The following SPON2 variants were observed in gnomAD, a reference collection of about 807,000 sequenced individuals.
SPON2 encodes spondin 2.
SPON2 carries 32 observed loss-of-function variants against 29.9 expected under a neutral mutation model. The ratio of observed to expected loss-of-function variants is 1.07; its 90% CI spans 0.81 to 1.44. SPON2 has a LOEUF of 1.44. Ranked by LOEUF, SPON2 falls within the 40% of genes most tolerant of loss-of-function variation. The pLI, the probability that SPON2 is intolerant of heterozygous loss-of-function variation, is 0.00. For synonymous variants in SPON2, 248 were observed against 209.1 expected, an observed-to-expected ratio of 1.19 and a Z score of -1.61; for missense variants, 541 against 455.5, an observed-to-expected ratio of 1.19 and a Z score of -1.71.
chr4:1,183,686 A>G (rs966498282), intron 1 of SPON2, among the ~76,000 whole-genome samples: 4 of 152,232 alleles, frequency 2.6e-5, no homozygotes, highest in Non-Finnish European at 5.9e-5. Flanking sequence ...TGAAAGAGGT[A>G]GGATAGAGCT....
chr4:1,190,075 C>A (rs1365512379), intron 1 of SPON2, among the ~76,000 whole-genome samples: 1 of 150,984 alleles, frequency 6.6e-6, no homozygotes, highest in Non-Finnish European at 1.5e-5. Context: ...CTCAAATTTA[C>A]TAAAATCAGG....
chr4:1,190,316 C>T (rs1160569229), intron 1 of SPON2, among the ~76,000 whole-genome samples: 1 of 151,756 alleles, frequency 6.6e-6, no homozygotes, highest in East Asian at 1.9e-4. Context: ...AACAAACTTC[C>T]CACAAAGAAA....
intron 1 of SPON2, chr4:1,201,565 T>G (rs1442135887): frequency 6.4e-6 from 1 of 157,288 alleles, no homozygotes; most frequent in Non-Finnish European, 1.4e-5. Flanking sequence ...CGCGCGCAGT[T>G]TCTGGTTTTC....
At chr4:1,201,621 C>T (rs1401796253) in intron 1 of SPON2, among the ~76,000 whole-genome samples, 1 of 151,464 alleles carries the variant, frequency 6.6e-6, no homozygotes, top group African/African-American at 2.4e-5. Context: ...CTTGCTCTGT[C>T]ACCCAGGCTA....
At chr4:1,197,063 G>C (rs1728085191), upstream of SPON2, 1 of 152,256 alleles carries the variant, frequency 6.6e-6, no homozygotes, top group Non-Finnish European at 1.5e-5. Context: ...AAGCCAACAG[G>C]ACGGGGACAT....
chr4:1,175,774 G>A (rs998678195), upstream of SPON2, among the ~76,000 whole-genome samples: 3 of 152,074 alleles, frequency 2.0e-5, no homozygotes, highest in Non-Finnish European at 2.9e-5. Context: ...AGGATGTAGG[G>A]CAGTGGTGGG....
upstream of SPON2, among the ~76,000 whole-genome samples, chr4:1,178,022 G>A (rs1444601962): frequency 6.6e-6 from 1 of 152,108 alleles, no homozygotes; most frequent in Non-Finnish European, 1.5e-5. Context: ...ATGTACCAAG[G>A]GCCTCGCTCC....
At chr4:1,207,835 TC>T (rs912241969) in intron 1 of SPON2, 7 of 154,528 alleles carry the variant, frequency 4.5e-5, no homozygotes, top group African/African-American at 1.7e-4. Flanking sequence ...GCTGAGGCTG[TC>T]CAGGGCAGTG....
At chr4:1,201,021 C>A in intron 1 of SPON2, 1 of 456,554 alleles carries the variant, frequency 2.2e-6, no homozygotes, top group Non-Finnish European at 4.4e-6. Flanking sequence ...TCCCACCATA[C>A]CTGGTCTGGG....
chr4:1,167,484 A>C lies in SPON2; in HGVS notation c.984T>G (p.Asp328Glu). 1 of 1,613,364 alleles carries C rather than the reference A, an allele frequency of 6.2e-7. No individual in the cohort carries two copies. Among genetic ancestry groups the C allele is most frequent in the Non-Finnish European group, 8.5e-7 (1 of 1,179,794 alleles). ...CGGGGCTCTGGTCTTAGACGCAGTT[A>C]TCAGGGACGCACTCAGCCTCTTCTT... ...ELEEEAECVP[D>E]NCV The change falls in exon 6 of 6, where the codon GAT becomes GAG. Residue 328 changes from aspartate to glutamate, a missense_variant. Physicochemically the swap from Asp to Glu is conservative, Grantham distance 45 (BLOSUM62 2). Coordinates refer to ENST00000290902, the MANE Select transcript of SPON2 (RefSeq NM_012445.4).
chr4:1,186,793 A>C (rs757793354), intron 1 of SPON2, among the ~76,000 whole-genome samples: 1 of 152,232 alleles, frequency 6.6e-6, no homozygotes, highest in Non-Finnish European at 1.5e-5. Flanking sequence ...ATCATTTATT[A>C]CTGAGGAAAT....
upstream of SPON2, chr4:1,200,010 A>T (rs187335849): frequency 2.2e-4 from 34 of 152,330 alleles, no homozygotes; most frequent in African/African-American, 7.5e-4. Context: ...GGTTCCATGA[A>T]ATCACCTCCA....
At position 1,167,423 on chromosome 4, in the gene SPON2, C is replaced by T. The variant is rs961954581; in HGVS notation, c.*49G>A. On this transcript the variant is annotated 3_prime_UTR_variant, in exon 6 of 6. Coordinates refer to ENST00000290902, the MANE Select transcript of SPON2 (RefSeq NM_012445.4). ...GCAGCATGAGCCTGCACAGGAGCCC[C>T]CGACACCCCATGGCTCCGGGGGGCC... is the stretch of plus-strand genomic sequence containing the variant. 14 of 1,571,014 alleles carry T rather than the reference C, an allele frequency of 8.9e-6. No homozygotes were observed. Among genetic ancestry groups the T allele is most frequent in the African/African-American group, 1.4e-5 (1 of 74,008 alleles).
upstream of SPON2, among the ~76,000 whole-genome samples, chr4:1,198,856 G>C (rs1031216980): frequency 1.3e-5 from 2 of 152,050 alleles, no homozygotes; most frequent in Non-Finnish European, 2.9e-5. Context: ...TAGTAAAATA[G>C]AAAAAAGTGC....
Position 1,179,049 on chromosome 4 carries a change from C to T in SPON2, c.-145+399G>A, listed in dbSNP as rs184418165. 4.9e-3 allele frequency among the ~76,000 whole-genome samples: 739 copies of T among 152,344 alleles called. 6 individuals carry two copies. The highest frequency in any genetic ancestry group is 0.015 in the African/African-American group (642 of 41,572). On this transcript the variant is annotated intron_variant, in intron 2 of 3. Coordinates refer to the SPON2 transcript ENST00000502483. ...AGTCTTGGATTCAGCTTTGCAGCCT[C>T]TGCAGTCCAGGAGGACACCCAGAAG...
chr4:1,198,219 C>T (rs1460389862), upstream of SPON2, among the ~76,000 whole-genome samples: 1 of 152,200 alleles, frequency 6.6e-6, no homozygotes, highest in Non-Finnish European at 1.5e-5. Context: ...AAACCTGCAG[C>T]AGCCATGTTG....
At chr4:1,182,669 A>C (rs577950734) in intron 1 of SPON2, among the ~76,000 whole-genome samples, 1 of 152,306 alleles carries the variant, frequency 6.6e-6, no homozygotes, top group African/African-American at 2.4e-5. Context: ...GAACATTTGA[A>C]GAAATAATAG....
chr4:1,171,342 G>T lies in SPON2; in HGVS notation c.365C>A (p.Ala122Glu), dbSNP rs11247975. ...GGGGACGGCGGGCGCCGAAAACACC[G>T]CGTGCACGCTCTGCAGCGCCTCCCC... ...AAGEALQSVH[A>E]VFSAPAVPSG... Residue 122 changes from alanine to glutamate, a missense_variant, in exon 3 of 6, where the codon GCG becomes GAG. Physicochemically the swap from Ala to Glu is moderately radical, Grantham distance 107 (BLOSUM62 -1). Coordinates refer to ENST00000290902, the MANE Select transcript of SPON2 (RefSeq NM_012445.4). 0.66 allele frequency: 1,054,824 copies of T among 1,607,366 alleles called. 353,283 individuals carry two copies. Among genetic ancestry groups the T allele is most frequent in the Admixed American group, 0.74 (44,070 of 59,802 alleles).
intron 1 of SPON2, among the ~76,000 whole-genome samples, chr4:1,203,250 T>G (rs1315200985): frequency 6.6e-6 from 1 of 152,174 alleles, no homozygotes; most frequent in African/African-American, 2.4e-5. Flanking sequence ...CCTTCCCATT[T>G]TCCCCCAGCT....
Sources: gnomAD v4.1 joint callset for allele counts (sites outside exome capture counted in the v4.1 genomes callset) on GRCh38, gnomAD v4.1.1 for gene constraint, MANE v1.5 for transcripts, NCBI Gene and HGNC (gene_info 2026-07-23, HGNC 2026-07-21) for gene names.